Variants in OVGP1 observed in about 807,000 individuals in gnomAD.
OVGP1 encodes the protein oviduct-specific glycoprotein.
Under a neutral mutation model 48.2 loss-of-function variants are expected in OVGP1, and 26 were observed. The ratio of observed to expected loss-of-function variants is 0.54; its 90% confidence interval spans 0.40 to 0.75. OVGP1 has a LOEUF of 0.75. OVGP1 is among the 30% of genes least tolerant of loss of function. The probability of loss-of-function intolerance (pLI) is 0.00; values close to 1 mark genes in which losing one functional copy is unlikely to be tolerated. For synonymous variants in OVGP1, 294 were observed against 305.7 expected (o/e 0.96, Z 0.40); for missense variants, 791 against 820.6 (o/e 0.96, Z 0.44).
rs763490159 is a variant in OVGP1 at position 111,414,414 on chromosome 1, A to C, written c.*50T>G. 8.6e-6 allele frequency: 13 copies of C among 1,509,662 alleles called. No homozygotes were observed. The South Asian group carries it at 1.7e-4, about 20-fold the overall frequency. The allele number at this position is 1,509,662 out of a possible 1,614,324, so 93.5% of individuals were successfully genotyped here. ...GGGATGAGAAGGCTTCCAACATGTC[A>C]CTTAGAAGAAAAGACAAGGGTTTTC... On this transcript the variant is annotated 3_prime_UTR_variant, in exon 11 of 11. Transcript: ENST00000369732.
chr1:111,419,960 C>G (rs1652222771), intron 8 of OVGP1, among the ~76,000 whole-genome samples: 1 of 152,166 alleles, frequency 6.6e-6, no homozygotes, highest in Non-Finnish European at 1.5e-5. Flanking sequence ...AAAAAGGGAA[C>G]CAAAGAGTGG....
chr1:111,423,004 C>T lies in OVGP1; in HGVS notation c.531G>A (p.Pro177=), dbSNP rs372668536. ...AAACAGCAGCAGACAGCAGCAGCCTCGGGCGCATGGTGAGCAGTGCCTCCT... is the reference window on the plus strand; with the variant it reads ...AAACAGCAGCAGACAGCAGCAGCCTTGGGCGCATGGTGAGCAGTGCCTCCT... ...FRKEALLTMR[P]RLLLSAAVSG... The change falls in exon 6 of 11, where the codon CCG becomes CCA. Residue 177 remains proline, a synonymous_variant. Transcript: ENST00000369732. 6.4e-5 allele frequency: 103 copies of T among 1,614,036 alleles called. No individual in the cohort carries two copies. Among genetic ancestry groups the T allele is most frequent in the Middle Eastern group, 3.3e-4 (2 of 6,084 alleles).
At chr1:111,420,991 C>T (rs1284956065) in intron 8 of OVGP1, among the ~76,000 whole-genome samples, 1 of 152,136 alleles carries the variant, frequency 6.6e-6, no homozygotes, top group Non-Finnish European at 1.5e-5. Flanking sequence ...TTAGGCCATA[C>T]AGAAAGTCAG....
Position 111,416,393 on chromosome 1 carries a change from G to A in OVGP1, c.1086C>T (p.Val362=), listed in dbSNP as rs199672317. The part of the protein sequence containing the change: ...AMVWTLDMDD[V]RGTFCGTGPF... The stretch of plus-strand genomic sequence containing the variant: ...GGCCAGTGCCACAGAACGTGCCCCT[G>A]ACGTCATCCATGTCCAATGTCCACA... The change falls in exon 10 of 11, where the codon GTC becomes GTT. Residue 362 remains valine (V), a synonymous_variant. Coordinates refer to ENST00000369732, the MANE Select transcript of OVGP1 (RefSeq NM_002557.4). The A allele has an allele frequency of 1.9e-6, 3 of 1,609,482 alleles. No homozygotes were observed. Among genetic ancestry groups the A allele is most frequent in the Non-Finnish European group, 2.5e-6 (3 of 1,177,948 alleles).
chr1:111,427,235 C>G, intron 1 of OVGP1, 144 bp from the exon 2 acceptor site: 1 of 1,495,052 alleles, frequency 6.7e-7, no homozygotes, highest in Non-Finnish European at 8.9e-7. Context: ...ACACACACAC[C>G]ATTTACTCGT....
rs374835032 is a variant in OVGP1 at position 111,414,964 on chromosome 1, C to T, written c.1537G>A (p.Gly513Ser). 1.2e-6 allele frequency: 1 copy of T among 808,172 alleles called. No individual in the cohort carries two copies. The highest frequency in any genetic ancestry group is 1.8e-6 in the Non-Finnish European group (1 of 550,894). 50.1% of individuals were successfully genotyped at this position (808,172 alleles called of 1,614,324 possible). A position where few individuals can be genotyped will look rare whatever the true frequency, so the allele number is the denominator to read the frequency against. Residue 513 changes from glycine (G) to serine (S), a missense_variant, in exon 11 of 11, where the codon GGT becomes AGT. By Grantham distance (56) the Gly-to-Ser change is moderately conservative. Coordinates refer to ENST00000369732, the MANE Select transcript of OVGP1 (RefSeq NM_002557.4). Reference protein sequence around the residue: ...TTGQKTLTSVGYQSVTPGEKT... With the variant: ...TTGQKTLTSVSYQSVTPGEKT... ...TCCCCAGGGGTCACAGACTGATAAC[C>T]CACAGAGGTCAGGGTCTTCTGTCCA...
chr1:111,425,485 G>A, intron 3 of OVGP1, 46 bp from the exon 4 acceptor site: 3 of 1,613,056 alleles, frequency 1.9e-6, no homozygotes, highest in Non-Finnish European at 2.5e-6. Context: ...CTTCACTCCG[G>A]TGGGCAGCTG....
At chr1:111,426,940 T>G (rs1652415141) in intron 2 of OVGP1, 122 bp downstream of exon 2, 5 of 1,576,750 alleles carry the variant, frequency 3.2e-6, no homozygotes, top group Non-Finnish European at 4.3e-6. Context: ...AGAAACTGTG[T>G]TGGATCAATA....
At chr1:111,421,744 T>C (rs1369647832) in intron 6 of OVGP1, 71 bp from the exon 7 acceptor site, 2 of 923,340 alleles carry the variant, frequency 2.2e-6, no homozygotes, top group Non-Finnish European at 3.5e-6. Flanking sequence ...ATCACAGCAC[T>C]GTCTAGCTAA....
chr1:111,427,712 G>A lies in OVGP1; in HGVS notation c.10C>T (p.Leu4=). The A allele has an allele frequency of 3.1e-6, 5 of 1,612,926 alleles. No homozygotes were observed. The highest frequency in any genetic ancestry group is 3.4e-6 in the Non-Finnish European group (4 of 1,179,786). ...CCACACTCACCAACCCACAGCAACA[G>A]CTTCCACATCTCAATGGTCTGATAG... MWK[L]LLWVGLVLVL... Residue 4 remains leucine, a synonymous_variant, in exon 1 of 11, where the codon CTG becomes TTG. Transcript: ENST00000369732.
At chr1:111,422,646 G>T (rs148220778) in intron 6 of OVGP1, among the ~76,000 whole-genome samples, 3 of 152,144 alleles carry the variant, frequency 2.0e-5, no homozygotes, top group Non-Finnish European at 4.4e-5. Flanking sequence ...ATCTCTCCTC[G>T]TGAGACCCAG....
rs1015637766 is a variant in OVGP1 at position 111,427,497 on chromosome 1, C to A, written c.25+200G>T. ...GCATTTAAAATTTCTAATGGGCCAC[C>A]AGGTTTGAGAACCACTGCTCTGACC... On this transcript the variant is annotated intron_variant, in intron 1 of 10. Coordinates refer to ENST00000369732, the MANE Select transcript of OVGP1 (RefSeq NM_002557.4). 7 of 583,888 alleles carry A rather than the reference C, an allele frequency of 1.2e-5. No individual in the cohort carries two copies. In the African/African-American group the frequency reaches 1.4e-4, roughly 12 times the overall value. 36.2% of individuals were successfully genotyped at this position (583,888 alleles called of 1,614,324 possible).
Position 111,421,426 on chromosome 1 carries a change from T to C in OVGP1, c.753A>G (p.Ala251=), listed in dbSNP as rs780869756. 1 of 1,612,212 alleles carries C rather than the reference T, an allele frequency of 6.2e-7. No homozygotes were observed. The highest frequency in any genetic ancestry group is 1.1e-5 in the South Asian group (1 of 90,732). ...TCCCCATGATGAGCTTCTCTGAGGGTGCCCCAAGCTTTCTCCAATAATTCA... is the reference window on the plus strand; with the variant it reads ...TCCCCATGATGAGCTTCTCTGAGGGCGCCCCAAGCTTTCTCCAATAATTCA... ...YAMNYWRKLG[A]PSEKLIMGIP... Residue 251 remains alanine, a synonymous_variant, in exon 8 of 11, where the codon GCA becomes GCG. Coordinates refer to ENST00000369732, the MANE Select transcript of OVGP1 (RefSeq NM_002557.4).
At position 111,426,437 on chromosome 1, in the gene OVGP1, C is replaced by A; in HGVS notation, c.260G>T (p.Arg87Met). 1 of 1,614,074 alleles carries A rather than the reference C, an allele frequency of 6.2e-7. No individual in the cohort carries two copies. The highest frequency in any genetic ancestry group is 1.1e-5 in the South Asian group (1 of 91,046). Residue 87 changes from arginine (R) to methionine (M), a missense_variant and splice_region_variant, in exon 3 of 11, where the codon AGG (arginine) becomes ATG (methionine). Coordinates refer to ENST00000369732, the MANE Select transcript of OVGP1 (RefSeq NM_002557.4). The part of the protein sequence containing the change: ...LYPEFNKLKE[R>M]NRELKTLLSI... ...ACCCCCACATCCAATATGAACACACCTCTCCTTTAGTTTGTTGAACTCTGG... is the reference window on the plus strand; with the variant it reads ...ACCCCCACATCCAATATGAACACACATCTCCTTTAGTTTGTTGAACTCTGG...
intron 3 of OVGP1, among the ~76,000 whole-genome samples, chr1:111,425,706 A>C (rs1326948412): frequency 6.6e-6 from 1 of 152,216 alleles, no homozygotes; most frequent in Non-Finnish European, 1.5e-5. Flanking sequence ...GCATGTCCCT[A>C]TGATGCTTCC....
intron 8 of OVGP1, among the ~76,000 whole-genome samples, chr1:111,420,119 C>T (rs895918021): frequency 3.3e-5 from 5 of 152,190 alleles, no homozygotes; most frequent in African/African-American, 1.2e-4. Flanking sequence ...GCACAGACTG[C>T]CCCATATAGG....
chr1:111,420,706 C>T (rs534626738), intron 8 of OVGP1, among the ~76,000 whole-genome samples: 39 of 152,292 alleles, frequency 2.6e-4, no homozygotes, highest in South Asian at 2.1e-4. Flanking sequence ...TGTCTCTTTC[C>T]GCCACCCAAT....
intron 8 of OVGP1, among the ~76,000 whole-genome samples, chr1:111,420,127 A>T (rs1220401298): frequency 6.6e-6 from 1 of 152,218 alleles, no homozygotes; most frequent in Non-Finnish European, 1.5e-5. Flanking sequence ...TGCCCCATAT[A>T]GGTGGTTCTC....
At position 111,421,276 on chromosome 1, in the gene OVGP1, C is replaced by G; in HGVS notation, c.903G>C (p.Glu301Asp). ...AGACAGAGACTGATATTCCCATCAC[C>G]TCAAAATAAGCCAAGAAGCCTTCTT... ...TKQEGFLAYF[E>D]ICSFVWGAKK... The change falls in exon 8 of 11, where the codon GAG becomes GAC. Residue 301 changes from glutamate (E) to aspartate (D), a missense_variant and splice_region_variant. Coordinates refer to ENST00000369732, the MANE Select transcript of OVGP1 (RefSeq NM_002557.4). 1 of 1,599,206 alleles carries G rather than the reference C, an allele frequency of 6.3e-7. No individual in the cohort carries two copies. Among genetic ancestry groups the G allele is most frequent in the Non-Finnish European group, 8.5e-7 (1 of 1,173,408 alleles).
Sources: gnomAD v4.1 joint callset for allele counts (sites outside exome capture counted in the v4.1 genomes callset) on GRCh38, gnomAD v4.1.1 for gene constraint, MANE v1.5 for transcripts, NCBI Gene and HGNC (gene_info 2026-07-23, HGNC 2026-07-21) for gene names.